Variants in TDRD12 observed in about 807,000 individuals in gnomAD.
TDRD12 encodes putative ATP-dependent RNA helicase TDRD12.
A neutral mutation model predicts 133.5 loss-of-function variants in TDRD12; 158 were observed. That is an observed-to-expected ratio of 1.18 (90% CI 1.04 to 1.35). The LOEUF is 1.35. TDRD12 is among the 40% of genes most tolerant of loss of function. TDRD12 has a pLI of 0.00. For synonymous variants in TDRD12, 460 were observed against 477.9 expected (o/e 0.96, Z 0.49); for missense variants, 1,443 against 1,321.3 (o/e 1.09, Z -1.43).
intron 21 of TDRD12, among the ~76,000 whole-genome samples, chr19:32,806,742 C>T (rs1044064431): frequency 6.6e-6 from 1 of 152,164 alleles, no homozygotes; most frequent in African/African-American, 2.4e-5. Flanking sequence ...ACTGCAACCT[C>T]TGCGTCCTGG....
At chr19:32,772,683 C>A (rs773271912) in intron 8 of TDRD12, 70 bp from the exon 9 acceptor site, 2 of 886,624 alleles carry the variant, frequency 2.3e-6, no homozygotes, top group Non-Finnish European at 1.7e-6. Context: ...TTATTATATT[C>A]CTTTTTATCC....
At chr19:32,745,866 GA>G (rs1969596267) in intron 4 of TDRD12, among the ~76,000 whole-genome samples, 1 of 140,676 alleles carries the variant, frequency 7.1e-6, no homozygotes, top group African/African-American at 2.8e-5. Flanking sequence ...GTGTGAGAGA[GA>G]GAGTCTGGCT....
chr19:32,725,810 C>T (rs545100170), intron 1 of TDRD12, among the ~76,000 whole-genome samples: 180 of 152,012 alleles, frequency 1.2e-3, no homozygotes, highest in African/African-American at 4.1e-3. Context: ...TTGGACAGTA[C>T]GGCCATTTTC....
At chr19:32,731,979 T>C in intron 2 of TDRD12, 96 bp downstream of exon 2, 1 of 1,281,366 alleles carries the variant, frequency 7.8e-7, no homozygotes, top group South Asian at 1.7e-5. Context: ...TTTTAGAGTA[T>C]TTTAGTTTCT....
At chr19:32,827,372 C>CTTTTCTTTTA in exon 10 of TDRD12, 4 of 120,308 alleles carry the variant, frequency 3.3e-5, no homozygotes, top group African/African-American at 7.1e-5. Flanking sequence ...CTTTTCTTTT[C>CTTTTCTTTTA]TTTTTTTTTT....
At chr19:32,825,970 A>T (rs935394081), downstream of TDRD12, 1 of 649,512 alleles carries the variant, frequency 1.5e-6, no homozygotes. The surrounding 1 kb of genome is among the most constrained non-coding windows in gnomAD (Gnocchi z 4.1). Context: ...GGGTTACTCA[A>T]TTTACACTTT....
intron 7 of TDRD12, among the ~76,000 whole-genome samples, chr19:32,756,835 T>C (rs979524703): frequency 4.5e-4 from 69 of 152,200 alleles, no homozygotes; most frequent in African/African-American, 1.6e-3. Context: ...CATAAAAATA[T>C]AAGAGCTAGT....
At position 32,777,838 on chromosome 19, in the gene TDRD12, TATATATATATATATATATA is replaced by T. The variant is rs1317910668; in HGVS notation, c.1121+610_1121+628del. Among the ~76,000 whole-genome samples, 47 of 15,024 alleles carry T rather than the reference TATATATATATATATATATA, an allele frequency of 3.1e-3. 1 individual carries two copies. The highest frequency in any genetic ancestry group is 0.014 in the East Asian group (7 of 512). 9.9% of individuals were successfully genotyped at this position (15,024 alleles called of 152,430 possible). ...ATATATATATATATATATATATATA[TATATATATATATATATATA>T]TTTTTTTTTTTTTTTTTTTTTTTTT... On this transcript the variant is annotated intron_variant, in intron 11 of 27. Coordinates refer to ENST00000444215, the Ensembl canonical transcript of TDRD12.
At chr19:32,759,774 C>T in intron 8 of TDRD12, among the ~76,000 whole-genome samples, 1 of 152,170 alleles carries the variant, frequency 6.6e-6, no homozygotes, top group East Asian at 1.9e-4. Flanking sequence ...CTTTCTAGGT[C>T]AAATATATCC....
intron 11 of TDRD12, among the ~76,000 whole-genome samples, chr19:32,789,183 C>G (rs1337053035): frequency 6.6e-6 from 1 of 152,204 alleles, no homozygotes; most frequent in Non-Finnish European, 1.5e-5. Flanking sequence ...AGGTTGTTCT[C>G]TGCAGATAGG....
At chr19:32,816,953 A>G (rs1211612600) in intron 26 of TDRD12, among the ~76,000 whole-genome samples, 1 of 152,158 alleles carries the variant, frequency 6.6e-6, no homozygotes, top group Non-Finnish European at 1.5e-5. Context: ...AGGGAGTAAC[A>G]CCACAGCATG....
chr19:32,813,883 CTTAT>C, intron 25 of TDRD12, 107 bp downstream of exon 25: 1 of 676,148 alleles, frequency 1.5e-6, no homozygotes, highest in African/African-American at 1.8e-5. Flanking sequence ...GAAACGGTGA[CTTAT>C]TTGGGGATTT....
chr19:32,719,781 C>A, exon 1 of TDRD12: 1 of 530,756 alleles, frequency 1.9e-6, no homozygotes, highest in Admixed American at 3.2e-5. Flanking sequence ...TCAGCGTGCG[C>A]GGGCATCCGG....
intron 6 of TDRD12, among the ~76,000 whole-genome samples, chr19:32,753,004 G>A (rs957653547): frequency 1.3e-5 from 2 of 151,690 alleles, no homozygotes; most frequent in Non-Finnish European, 2.9e-5. Flanking sequence ...GTGCTAGCCA[G>A]GATGGTCTCG....
chr19:32,804,543 A>T (rs1028800866), intron 21 of TDRD12, among the ~76,000 whole-genome samples: 3 of 151,276 alleles, frequency 2.0e-5, no homozygotes, highest in African/African-American at 7.3e-5. Context: ...AAATACAAAA[A>T]TTAGCTGGGC....
intron 8 of TDRD12, among the ~76,000 whole-genome samples, chr19:32,761,036 G>GGC (rs1970134553): frequency 6.6e-6 from 1 of 152,176 alleles, no homozygotes; most frequent in African/African-American, 2.4e-5. Flanking sequence ...ATAACTCCCA[G>GGC]GCACCATTCA....
chr19:32,753,939 C>G (rs1186529975), intron 6 of TDRD12, among the ~76,000 whole-genome samples: 1 of 152,162 alleles, frequency 6.6e-6, no homozygotes, highest in Non-Finnish European at 1.5e-5. Flanking sequence ...ACCCACACTC[C>G]TGTGAAAACA....
Position 32,764,103 on chromosome 19 carries a change from C to CTTTTTTTTTT in TDRD12, c.865+6989_865+6998dup, listed in dbSNP as rs5827820. Among the ~76,000 whole-genome samples the CTTTTTTTTTT allele has an allele frequency of 1.0e-3, 72 of 72,324 alleles. 2 individuals carry two copies. Among genetic ancestry groups the CTTTTTTTTTT allele is most frequent in the East Asian group, 2.1e-3 (4 of 1,900 alleles). The allele number at this position is 72,324 out of a possible 152,430, so 47.4% of individuals were successfully genotyped here. A position where few individuals can be genotyped will look rare whatever the true frequency, so the allele number is the denominator to read the frequency against. ...TTCTTTTTTTACTTGTATTGTCCAT[C>CTTTTTTTTTT]TTTTTTTTTTTTTTTTTTTTTTTTT... On this transcript the variant is annotated intron_variant, in intron 8 of 27. Coordinates refer to ENST00000444215, the Ensembl canonical transcript of TDRD12.
At chr19:32,808,311 A>C (rs535224279) in intron 22 of TDRD12, among the ~76,000 whole-genome samples, 1 of 152,258 alleles carries the variant, frequency 6.6e-6, no homozygotes, top group Non-Finnish European at 1.5e-5. Context: ...GCTGTAAAAG[A>C]TTACCACCAA....
Sources: allele counts gnomAD v4.1 joint callset (sites outside exome capture counted in the v4.1 genomes callset), GRCh38; gene constraint gnomAD v4.1.1; non-coding constraint Gnocchi (gnomAD v3.1); transcripts MANE v1.5; gene names NCBI Gene and HGNC (gene_info 2026-07-23, HGNC 2026-07-21).